The following POLA1 variants were observed in gnomAD, a reference collection of about 807,000 sequenced individuals.
POLA1 encodes the protein DNA polymerase alpha catalytic subunit.
In POLA1, 15 loss-of-function variants were observed where a neutral mutation model predicts 124.0. The ratio of observed to expected loss-of-function variants is 0.12; its 90% CI spans 0.08 to 0.19. The LOEUF (loss-of-function observed/expected upper bound fraction) is 0.19, where lower values mean the gene tolerates loss of function less well. Ranked by LOEUF, POLA1 falls within the 10% of genes least tolerant of loss-of-function variation. The pLI, the probability that POLA1 is intolerant of heterozygous loss-of-function variation, is 1.00. For synonymous variants in POLA1, 408 were observed against 389.4 expected (o/e 1.05, Z -0.56); for missense variants, 886 against 1,103.4 (o/e 0.80, Z 2.79).
intron 36 of POLA1, among the ~76,000 whole-genome samples, chrX:24,976,952 G>T (rs1434248761): frequency 8.9e-6 from 1 of 112,313 alleles, no homozygotes; most frequent in Non-Finnish European, 1.9e-5. Context: ...CTGATTGATT[G>T]ATACCAATAG....
intron 26 of POLA1, among the ~76,000 whole-genome samples, chrX:24,750,042 ATGG>A (rs1294226540): frequency 8.9e-6 from 1 of 111,939 alleles, no homozygotes; most frequent in Non-Finnish European, 1.9e-5. Flanking sequence ...TTGGCAAATG[ATGG>A]CCATCGGGGC....
At chrX:24,934,796 C>T (rs1436513543) in intron 36 of POLA1, among the ~76,000 whole-genome samples, 7 of 112,011 alleles carry the variant, frequency 6.2e-5, no homozygotes, top group Admixed American at 1.9e-4. Flanking sequence ...GATCTTGGCT[C>T]ACTGCAACCT....
chrX:24,879,663 C>T (rs2046978646), intron 34 of POLA1, among the ~76,000 whole-genome samples: 1 of 111,555 alleles, frequency 9.0e-6, no homozygotes, highest in Admixed American at 9.5e-5. Context: ...CCTATTATAG[C>T]CTAGGAATGT....
intron 26 of POLA1, among the ~76,000 whole-genome samples, chrX:24,785,503 G>T (rs1313109314): frequency 8.9e-6 from 1 of 111,949 alleles, no homozygotes; most frequent in African/African-American, 3.3e-5. Flanking sequence ...TTTCGAAAAA[G>T]TGATTGCCTT....
chrX:24,913,466 CT>C (rs1185292200), intron 35 of POLA1, among the ~76,000 whole-genome samples: 1 of 108,270 alleles, frequency 9.2e-6, no homozygotes. Flanking sequence ...AATCCCAGCA[CT>C]TTGGGAGGCC....
chrX:24,836,916 AGCCT>A, intron 32 of POLA1, among the ~76,000 whole-genome samples: 1 of 111,906 alleles, frequency 8.9e-6, no homozygotes, highest in East Asian at 2.8e-4. Flanking sequence ...TTATACACGT[AGCCT>A]GAAGGCAGTT....
At chrX:24,926,791 A>G (rs926574011) in intron 35 of POLA1, among the ~76,000 whole-genome samples, 1 of 108,981 alleles carries the variant, frequency 9.2e-6, no homozygotes, top group African/African-American at 3.3e-5. Context: ...ACTCCACTCT[A>G]TACTCTCATT....
Position 24,739,466 on chromosome X carries a change from G to GCTAC in POLA1, c.2134_2137dup (p.His713LeufsTer5). 8.4e-7 allele frequency: 1 copy of GCTAC among 1,190,851 alleles called. No individual in the cohort carries two copies. On this transcript the variant is annotated frameshift_variant, in exon 20 of 37. Coordinates refer to ENST00000379068, the MANE Select transcript of POLA1 (RefSeq NM_001330360.2). LOFTEE classifies it high-confidence loss of function. ...GCAAAGGAATTGATTCGTTGTAAAA[G>GCTAC]CTACCATCTGTCTGAACTTGTTCAG...
rs1321644880 is a variant in POLA1 at position 24,815,013 on chromosome X, C to T, written c.3331C>T (p.Arg1111Trp). ...VIGQILSDQS[R>W]DTIVENIQKR... ...TGGCCAGATTCTTTCTGATCAAAGC[C>T]GGGACACTATAGTGGAAAACATTCA... The change falls in exon 30 of 37, where the codon CGG becomes TGG. Residue 1111 changes from arginine to tryptophan, a missense_variant. This residue lies in a region of POLA1 where 313 missense variants were observed against 359.7 expected (regional missense o/e 0.87). Coordinates refer to ENST00000379068, the MANE Select transcript of POLA1 (RefSeq NM_001330360.2). The T allele has an allele frequency of 5.9e-6, 7 of 1,178,004 alleles. No individual in the cohort carries two copies. Among genetic ancestry groups the T allele is most frequent in the Non-Finnish European group, 8.0e-6 (7 of 876,842 alleles).
At chrX:24,853,405 A>G (rs977923920) in intron 34 of POLA1, among the ~76,000 whole-genome samples, 1 of 112,168 alleles carries the variant, frequency 8.9e-6, no homozygotes, top group Non-Finnish European at 1.9e-5. Flanking sequence ...TGGTATATTA[A>G]AATCCATTGC....
chrX:24,887,140 T>G (rs2047075526), intron 34 of POLA1, among the ~76,000 whole-genome samples: 1 of 112,458 alleles, frequency 8.9e-6, no homozygotes, highest in African/African-American at 3.2e-5. Context: ...ACAGGTGAAC[T>G]TTGACCCCAT....
At chrX:24,864,274 A>C (rs991779985) in intron 34 of POLA1, among the ~76,000 whole-genome samples, 11 of 111,445 alleles carry the variant, frequency 9.9e-5, no homozygotes, top group African/African-American at 3.6e-4. Context: ...GAGCCACCGC[A>C]CCTGGCTGGA....
intron 26 of POLA1, among the ~76,000 whole-genome samples, chrX:24,761,203 A>G (rs1242881832): frequency 9.0e-6 from 1 of 111,559 alleles, no homozygotes; most frequent in African/African-American, 3.3e-5. Context: ...ACCTGTTTTT[A>G]TTGGCTTTGT....
chrX:24,938,973 G>T (rs1335448219), intron 36 of POLA1, among the ~76,000 whole-genome samples: 1 of 112,426 alleles, frequency 8.9e-6, no homozygotes, highest in Non-Finnish European at 1.9e-5. Flanking sequence ...TTCTAATTAT[G>T]TGTCTTTAAG....
chrX:24,944,893 T>C (rs2047943801), intron 36 of POLA1, among the ~76,000 whole-genome samples: 1 of 112,280 alleles, frequency 8.9e-6, no homozygotes, highest in African/African-American at 3.2e-5. Context: ...ACCATGTGAA[T>C]GCTCTGTAAA....
At chrX:24,753,369 A>C (rs890460731) in intron 26 of POLA1, among the ~76,000 whole-genome samples, 1 of 101,603 alleles carries the variant, frequency 9.8e-6, no homozygotes, top group African/African-American at 3.7e-5. Flanking sequence ...ATTTTATTTT[A>C]AGAAACAGGG....
At chrX:24,918,573 T>A (rs191298147) in intron 35 of POLA1, among the ~76,000 whole-genome samples, 3 of 112,423 alleles carry the variant, frequency 2.7e-5, no homozygotes, top group African/African-American at 3.2e-5. Flanking sequence ...CTGTTGTTAT[T>A]CCTGCTTTAC....
At chrX:24,877,109 G>A (rs1271163039) in intron 34 of POLA1, among the ~76,000 whole-genome samples, 1 of 112,078 alleles carries the variant, frequency 8.9e-6, no homozygotes, top group African/African-American at 3.2e-5. Context: ...GATGTACAAA[G>A]TGGAATTATT....
At chrX:24,744,827 T>G (rs1360941037) in intron 23 of POLA1, among the ~76,000 whole-genome samples, 3 of 107,893 alleles carry the variant, frequency 2.8e-5, no homozygotes, top group African/African-American at 1.0e-4. Flanking sequence ...GTTGCGCGCC[T>G]GTAGTCCCAG....
Sources: allele counts gnomAD v4.1 joint callset (sites outside exome capture counted in the v4.1 genomes callset), GRCh38; gene constraint gnomAD v4.1.1; regional missense constraint gnomAD v4.1.1; transcripts MANE v1.5; gene names NCBI Gene and HGNC (gene_info 2026-07-23, HGNC 2026-07-21).